POLR3A: variants seen among roughly 807,000 people sequenced by gnomAD.
POLR3A encodes DNA-directed RNA polymerase III subunit RPC1.
A neutral mutation model predicts 152.8 loss-of-function variants in POLR3A; 112 were observed. The ratio of observed to expected loss-of-function variants is 0.73; its 90% CI spans 0.63 to 0.86. The LOEUF is 0.86. Among genes scored for constraint, POLR3A ranks in the 40% least tolerant of loss-of-function variants. The pLI is 0.00. For synonymous variants in POLR3A, 615 were observed against 652.1 expected, an observed-to-expected ratio of 0.94 and a Z score of 0.87; for missense variants, 1,385 against 1,743.1, an observed-to-expected ratio of 0.79 and a Z score of 3.66.
intron 1 of POLR3A, 81 bp downstream of exon 1, chr10:78,029,283 G>A: frequency 1.4e-6 from 2 of 1,423,682 alleles, no homozygotes; most frequent in Non-Finnish European, 9.9e-7. Context: ...CCCCATCTCT[G>A]ACCCTGCAAG....
chr10:78,019,261 T>C lies in POLR3A; in HGVS notation c.1190A>G (p.Asn397Ser). The change falls in exon 9 of 31, where the codon AAC (asparagine) becomes AGC (serine). Residue 397 changes from asparagine (N) to serine (S), a missense_variant. Physicochemically the swap from Asn to Ser is conservative, Grantham distance 46 (BLOSUM62 1). Coordinates refer to ENST00000372371, the MANE Select transcript of POLR3A (RefSeq NM_007055.4). Reference sequence around the variant, plus strand: ...CCTCAAGAAATTGATGTTTGCTTTGTTTACCTGCAGTACAAAAAAACCACA... The same window carrying C: ...CCTCAAGAAATTGATGTTTGCTTTGCTTACCTGCAGTACAAAAAAACCACA... ...AKILTFPEKV[N>S]KANINFLRKL... is the part of the protein sequence containing the mutation. The C allele has an allele frequency of 6.2e-7, 1 of 1,611,238 alleles. No individual in the cohort carries two copies. The highest frequency in any genetic ancestry group is 8.5e-7 in the Non-Finnish European group (1 of 1,177,584).
At chr10:78,009,066 T>A (rs1003517797) in intron 14 of POLR3A, among the ~76,000 whole-genome samples, 1 of 142,534 alleles carries the variant, frequency 7.0e-6, no homozygotes, top group African/African-American at 2.7e-5. Flanking sequence ...GGCAGGAGAA[T>A]CGCTTGAACC....
chr10:77,976,546 A>C lies in POLR3A; in HGVS notation c.*932T>G, dbSNP rs1847090683. The C allele has an allele frequency of 6.6e-6, 1 of 152,220 alleles. No homozygotes were observed. The allele number at this position is 152,220 out of a possible 1,614,324, so 9.4% of individuals were successfully genotyped here. ...AGGGAAAGCACTCATTCTAACACAG[A>C]TCCAAGAACCAATGGCTACCCCGGG... is the stretch of plus-strand genomic sequence containing the variant. On this transcript the variant is annotated 3_prime_UTR_variant, in exon 31 of 31. Coordinates refer to ENST00000372371, the MANE Select transcript of POLR3A (RefSeq NM_007055.4).
At chr10:78,027,553 AT>A (rs539681152) in intron 1 of POLR3A, among the ~76,000 whole-genome samples, 6,390 of 147,374 alleles carry the variant, frequency 0.043, 153 homozygotes, top group Middle Eastern at 0.07. Context: ...CTGCTAGAGG[AT>A]TTTTTTTTTT....
intron 8 of POLR3A, 60 bp from the exon 9 acceptor site, chr10:78,019,325 A>G (rs1847555500): frequency 3.7e-6 from 4 of 1,093,010 alleles, no homozygotes; most frequent in Non-Finnish European, 5.6e-6. Flanking sequence ...AACAAATGAT[A>G]CTGAAATGCG....
At position 78,025,669 on chromosome 10, in the gene POLR3A, G is replaced by A. The variant is rs2131961577; in HGVS notation, c.271C>T (p.Pro91Ser). Residue 91 changes from proline to serine, a missense_variant, in exon 3 of 31, where the codon CCG (proline) becomes TCG (serine). By Grantham distance (74) the Pro-to-Ser change is moderately conservative. Around this residue, in one of 7 missense-constraint regions of POLR3A, gnomAD observed 493 missense variants for 647.5 expected, o/e 0.76. Transcript: ENST00000372371. Reference protein sequence around the residue: ...GHYGYIDLELPCFHVGYFRAV... With the variant: ...GHYGYIDLELSCFHVGYFRAV... ...CTGAAGTACCCTACATGAAAACACGGCAACTCCAGGTCGATATACCCATAG... is the reference window on the plus strand; with the variant it reads ...CTGAAGTACCCTACATGAAAACACGACAACTCCAGGTCGATATACCCATAG... The A allele has an allele frequency of 1.2e-6, 2 of 1,614,010 alleles. No individual in the cohort carries two copies. Among genetic ancestry groups the A allele is most frequent in the Non-Finnish European group, 8.5e-7 (1 of 1,179,972 alleles).
In POLR3A at chr10:78,021,639, A is replaced by G; in HGVS notation, c.1092T>C (p.Ser364=). 6.2e-7 allele frequency: 1 copy of G among 1,614,146 alleles called. No homozygotes were observed. Among genetic ancestry groups the G allele is most frequent in the Non-Finnish European group, 8.5e-7 (1 of 1,179,992 alleles). Reference sequence around the variant, plus strand: ...GGTCGGGCGAGATGACTGTTCTGCCAGAAAAATCCACTCTCTTTCCTGAGA... The same window carrying G: ...GGTCGGGCGAGATGACTGTTCTGCCGGAAAAATCCACTCTCTTTCCTGAGA... ...GNLSGKRVDF[S]GRTVISPDPN... Residue 364 remains serine, a synonymous_variant, in exon 8 of 31, where the codon TCT becomes TCC. Transcript: ENST00000372371.
intron 9 of POLR3A, among the ~76,000 whole-genome samples, chr10:78,018,455 T>C (rs1847546774): frequency 6.7e-6 from 1 of 149,752 alleles, no homozygotes; most frequent in African/African-American, 2.5e-5. Flanking sequence ...GTCAAGATCG[T>C]GCCACTACTC....
At chr10:77,994,272 T>C (rs544497333) in intron 19 of POLR3A, among the ~76,000 whole-genome samples, 3 of 152,096 alleles carry the variant, frequency 2.0e-5, no homozygotes, top group East Asian at 1.9e-4. Flanking sequence ...ATGATGGAAA[T>C]AGGCGTCTAC....
chr10:77,997,034 G>A (rs377693692), intron 19 of POLR3A, among the ~76,000 whole-genome samples: 1 of 152,016 alleles, frequency 6.6e-6, no homozygotes, highest in Non-Finnish European at 1.5e-5. Flanking sequence ...ATGTAATCCA[G>A]CATATAAACA....
At chr10:77,997,556 T>C (rs961965663) in intron 19 of POLR3A, among the ~76,000 whole-genome samples, 2 of 152,106 alleles carry the variant, frequency 1.3e-5, no homozygotes, top group African/African-American at 4.8e-5. Flanking sequence ...CCATTCACAA[T>C]TGCTTCAAAG....
chr10:77,990,076 G>T (rs1334513193), intron 21 of POLR3A, among the ~76,000 whole-genome samples: 1 of 152,148 alleles, frequency 6.6e-6, no homozygotes, highest in Non-Finnish European at 1.5e-5. Flanking sequence ...TTGGCCTGCT[G>T]ATCTTGTGCT....
At chr10:78,002,369 G>A in intron 16 of POLR3A, 61 bp from the exon 17 acceptor site, 2 of 1,058,464 alleles carry the variant, frequency 1.9e-6, no homozygotes, top group Admixed American at 2.0e-5. Context: ...GATTACAAAT[G>A]TTCAATCTAA....
intron 19 of POLR3A, among the ~76,000 whole-genome samples, chr10:77,995,735 A>T (rs1847293826): frequency 6.6e-6 from 1 of 152,220 alleles, no homozygotes; most frequent in African/African-American, 2.4e-5. Context: ...CCCCACTGTC[A>T]ACATTAGACA....
Position 78,026,117 on chromosome 10 carries a change from AT to A in POLR3A, c.156del (p.Tyr53MetfsTer28). Reference sequence around the variant, plus strand: ...ACCATCCTATGGTCGAGCACCCCATATAGCAAGGGGGCATGTTGGTTGTCCT... The same window carrying A: ...ACCATCCTATGGTCGAGCACCCCATAAGCAAGGGGGCATGTTGGTTGTCCT... Reference protein sequence around the residue: ...YSQDNQHAPLLYGVLDHRMGT... With the variant: ...YSQDNQHAPLXYGVLDHRMGT... On this transcript the variant is annotated frameshift_variant, in exon 2 of 31. Transcript: ENST00000372371. LOFTEE classifies it high-confidence loss of function. 2 of 1,614,194 alleles carry A rather than the reference AT, an allele frequency of 1.2e-6. No homozygotes were observed. Among genetic ancestry groups the A allele is most frequent in the Non-Finnish European group, 1.7e-6 (2 of 1,180,022 alleles).
At chr10:77,990,585 T>C (rs1847238033) in intron 21 of POLR3A, among the ~76,000 whole-genome samples, 1 of 152,114 alleles carries the variant, frequency 6.6e-6, no homozygotes, top group Admixed American at 6.6e-5. Context: ...TGGTGAGATT[T>C]TGCCTTGGCC....
In POLR3A at chr10:78,029,416, C is replaced by A. The variant is rs1422862563; in HGVS notation, c.-9G>T. On this transcript the variant is annotated 5_prime_UTR_variant, in exon 1 of 31. Transcript: ENST00000372371. ...AACTGCTCCTTCACCATGATGACCG[C>A]TGCCGGGACGCCTCCTTGGCACTCG... is the stretch of plus-strand genomic sequence containing the variant. 6.2e-7 allele frequency: 1 copy of A among 1,613,978 alleles called. No homozygotes were observed. The highest frequency in any genetic ancestry group is 1.3e-5 in the African/African-American group (1 of 74,906).
intron 8 of POLR3A, 73 bp downstream of exon 8, chr10:78,021,473 G>A: frequency 6.6e-7 from 1 of 1,520,218 alleles, no homozygotes; most frequent in Middle Eastern, 1.7e-4. Flanking sequence ...ACTGCCTGTT[G>A]TTTGCAATAC....
rs1847093996 is a variant in POLR3A, at chr10:77,976,810, G to T, written c.*668C>A. 6.5e-6 allele frequency: 1 copy of T among 153,244 alleles called. No homozygotes were observed. Among genetic ancestry groups the T allele is most frequent in the Non-Finnish European group, 1.5e-5 (1 of 68,880 alleles). The allele number at this position is 153,244 out of a possible 1,614,324, so 9.5% of individuals were successfully genotyped here. A position where few individuals can be genotyped will look rare whatever the true frequency, so the allele number is the denominator to read the frequency against. ...AGGGGCATCTATAGAAGATGTTACAGAGCTGCCTGGGCCTCATGACAGTTG... is the reference window on the plus strand; with the variant it reads ...AGGGGCATCTATAGAAGATGTTACATAGCTGCCTGGGCCTCATGACAGTTG... On this transcript the variant is annotated 3_prime_UTR_variant, in exon 31 of 31. Transcript: ENST00000372371.
Sources: allele counts gnomAD v4.1 joint callset (sites outside exome capture counted in the v4.1 genomes callset), GRCh38; gene constraint gnomAD v4.1.1; regional missense constraint gnomAD v4.1.1; transcripts MANE v1.5; gene names NCBI Gene and HGNC (gene_info 2026-07-23, HGNC 2026-07-21).